ERCC1: variants seen among roughly 807,000 people sequenced by gnomAD.
The protein encoded by ERCC1 is DNA excision repair protein ERCC-1.
In ERCC1, 36 loss-of-function variants were observed where a neutral mutation model predicts 37.6. That is an observed-to-expected ratio of 0.96 (90% CI 0.73 to 1.26). The LOEUF (loss-of-function observed/expected upper bound fraction) is 1.26, where lower values mean the gene tolerates loss of function less well. Ranked by LOEUF, ERCC1 falls within the 50% of genes most tolerant of loss-of-function variation. The pLI is 0.00. For missense variants in ERCC1, 349 were observed against 376.5 expected, an observed-to-expected ratio of 0.93 and a Z score of 0.60; for synonymous variants, 156 against 162.1, an observed-to-expected ratio of 0.96 and a Z score of 0.28.
chr19:45,444,356 GC>G (rs1399359545), intron 1 of ERCC1, among the ~76,000 whole-genome samples: 1 of 140,650 alleles, frequency 7.1e-6, no homozygotes, highest in African/African-American at 2.6e-5. Context: ...TCCCGGGCGC[GC>G]TCCCACGCCC....
chr19:45,415,245 G>C (rs1297956807), intron 6 of ERCC1, among the ~76,000 whole-genome samples: 2 of 150,254 alleles, frequency 1.3e-5, no homozygotes, highest in Admixed American at 1.3e-4. Flanking sequence ...TGAGGCAGGA[G>C]AATCGCCTGA....
chr19:45,409,635 TTTA>T lies in ERCC1; in HGVS notation c.*37_*39del, dbSNP rs956890282. 1 of 1,505,908 alleles carries T rather than the reference TTTA, an allele frequency of 6.6e-7. No individual in the cohort carries two copies. The highest frequency in any genetic ancestry group is 9.2e-7 in the Non-Finnish European group (1 of 1,084,784). 93.3% of individuals were successfully genotyped at this position (1,505,908 alleles called of 1,614,324 possible). On this transcript the variant is annotated 3_prime_UTR_variant, in exon 10 of 10. Coordinates refer to ENST00000300853, the MANE Select transcript of ERCC1 (RefSeq NM_001983.4). ...GCAGGAGCCTGGCCTGGGAGGACGATTTATTATTACACTGGGGGTTTCCTTGGC... is the reference window on the plus strand; with the variant it reads ...GCAGGAGCCTGGCCTGGGAGGACGATTTATTACACTGGGGGTTTCCTTGGC...
In ERCC1 at chr19:45,420,898, A is replaced by G. The variant is rs1229947803; in HGVS notation, c.321+280T>C. 6.6e-6 allele frequency among the ~76,000 whole-genome samples: 1 copy of G among 152,120 alleles called. No individual in the cohort carries two copies. Among genetic ancestry groups the G allele is most frequent in the Non-Finnish European group, 1.5e-5 (1 of 68,014 alleles). ...TCAGCCTCTCCAAAGTGCTGGGATT[A>G]CAGGTGTGAGCCACCACACCCAGCC... is the stretch of plus-strand genomic sequence containing the variant. On this transcript the variant is annotated intron_variant, in intron 3 of 9. Transcript: ENST00000300853. This position sits in a 1 kb window ranked among gnomAD's most constrained non-coding sequence, Gnocchi z 4.8.
At chr19:45,414,476 C>CAA (rs200487437) in intron 7 of ERCC1, 1,459 of 246,390 alleles carry the variant, frequency 5.9e-3, no homozygotes, top group South Asian at 0.013. Context: ...GACTCCATCT[C>CAA]AAAAAAAAAA....
chr19:45,407,890 C>T lies in ERCC1; in HGVS notation c.*1785G>A. ...GGCCAACATAGTGAAATTGTCTCTA[C>T]TAAAAATACAAAAATTGGCTGGGCG... On this transcript the variant is annotated 3_prime_UTR_variant, in exon 10 of 10. Transcript: ENST00000300853. The T allele has an allele frequency of 2.5e-6, 1 of 399,422 alleles. No individual in the cohort carries two copies. The highest frequency in any genetic ancestry group is 5.9e-5 in the South Asian group (1 of 16,874). 24.7% of individuals were successfully genotyped at this position (399,422 alleles called of 1,614,324 possible). A position where few individuals can be genotyped will look rare whatever the true frequency, so the allele number is the denominator to read the frequency against.
At chr19:45,442,135 G>T (rs1203369012) in intron 1 of ERCC1, among the ~76,000 whole-genome samples, 2 of 151,532 alleles carry the variant, frequency 1.3e-5, no homozygotes, top group African/African-American at 4.9e-5. Flanking sequence ...ATTATAGTGA[G>T]ATCTCATCTC....
In ERCC1 at chr19:45,420,688, C is replaced by T. The variant is rs966201112; in HGVS notation, c.322-261G>A. On this transcript the variant is annotated intron_variant, in intron 3 of 9. Transcript: ENST00000300853. This position sits in a 1 kb window ranked among gnomAD's most constrained non-coding sequence, Gnocchi z 4.8. Reference sequence around the variant, plus strand: ...CCATGCCCACTGGCACCAGGCCTTTCCTAAAGGGTCCCCGGGTCTGTCTCC... The same window carrying T: ...CCATGCCCACTGGCACCAGGCCTTTTCTAAAGGGTCCCCGGGTCTGTCTCC... 4.6e-5 allele frequency among the ~76,000 whole-genome samples: 7 copies of T among 152,148 alleles called. No homozygotes were observed. Among genetic ancestry groups the T allele is most frequent in the Non-Finnish European group, 1.0e-4 (7 of 68,026 alleles).
At chr19:45,446,145 C>T (rs1239552394) in intron 1 of ERCC1, among the ~76,000 whole-genome samples, 1 of 152,086 alleles carries the variant, frequency 6.6e-6, no homozygotes, top group African/African-American at 2.4e-5. Flanking sequence ...GGTGATTTGC[C>T]CACCTCAGCC....
chr19:45,434,838 C>T (rs1490069965), intron 1 of ERCC1, among the ~76,000 whole-genome samples: 4 of 151,978 alleles, frequency 2.6e-5, no homozygotes, highest in African/African-American at 4.8e-5. Flanking sequence ...TGCAATAGTG[C>T]GATCTTGGCT....
chr19:45,429,983 C>T (rs1974793531), intron 1 of ERCC1, among the ~76,000 whole-genome samples: 1 of 152,170 alleles, frequency 6.6e-6, no homozygotes, highest in Non-Finnish European at 1.5e-5. Context: ...GGGGTTTCAC[C>T]ATGTTGGCCA....
intron 6 of ERCC1, among the ~76,000 whole-genome samples, chr19:45,415,635 C>CAGG (rs1195136608): frequency 1.1e-4 from 5 of 46,724 alleles, no homozygotes; most frequent in African/African-American, 4.0e-4. Context: ...GACTCCGTCT[C>CAGG]AAAAAAAAAA....
At chr19:45,438,798 C>T (rs1324821487) in intron 1 of ERCC1, among the ~76,000 whole-genome samples, 2 of 151,996 alleles carry the variant, frequency 1.3e-5, no homozygotes, top group African/African-American at 2.4e-5. Context: ...TGCGCCACCA[C>T]GCCCGGCTAA....
chr19:45,416,389 G>A (rs551353813), intron 6 of ERCC1: 85 of 198,056 alleles, frequency 4.3e-4, no homozygotes, highest in Middle Eastern at 2.3e-3. Flanking sequence ...AGTGGCTCAC[G>A]CCTGTAATCC....
rs1974340410 is a variant in ERCC1, at chr19:45,420,393, A to G, written c.356T>C (p.Val119Ala). 6.2e-7 allele frequency: 1 copy of G among 1,613,666 alleles called. No individual in the cohort carries two copies. The highest frequency in any genetic ancestry group is 1.7e-5 in the Admixed American group (1 of 59,956). ...AATTACGTCGCCAAATTCCCAGGGC[A>G]CATTGCGCACGAACTTCAGTACGGG... Reference protein sequence around the residue: ...GNPVLKFVRNVPWEFGDVIPD... With the variant: ...GNPVLKFVRNAPWEFGDVIPD... Residue 119 changes from valine to alanine, a missense_variant, in exon 4 of 10, where the codon GTG becomes GCG. Physicochemically the swap from Val to Ala is moderately conservative, Grantham distance 64. Transcript: ENST00000300853. This position sits in a 1 kb window ranked among gnomAD's most constrained non-coding sequence, Gnocchi z 4.8.
intron 1 of ERCC1, among the ~76,000 whole-genome samples, chr19:45,443,140 T>G (rs1035587515): frequency 3.3e-5 from 5 of 151,950 alleles, no homozygotes; most frequent in Admixed American, 2.6e-4. Context: ...GGGAGGGGTC[T>G]CCCAGCTGCC....
At chr19:45,411,745 G>C (rs1232412819) in intron 9 of ERCC1, among the ~76,000 whole-genome samples, 1 of 152,074 alleles carries the variant, frequency 6.6e-6, no homozygotes, top group East Asian at 2.0e-4. Flanking sequence ...AGTGAGCTGA[G>C]ATCATGCCAT....
rs1276147609 is a variant in ERCC1 at position 45,420,761 on chromosome 19, G to C, written c.322-334C>G. 2.0e-5 allele frequency among the ~76,000 whole-genome samples: 3 copies of C among 152,038 alleles called. No individual in the cohort carries two copies. The highest frequency in any genetic ancestry group is 1.5e-5 in the Non-Finnish European group (1 of 68,010). On this transcript the variant is annotated intron_variant, in intron 3 of 9. Coordinates refer to ENST00000300853, the MANE Select transcript of ERCC1 (RefSeq NM_001983.4). The surrounding 1 kb of genome is among the most constrained non-coding windows in gnomAD (Gnocchi z 4.8). ...CCCAGTCTGCGTGTCCTGTGGTCCT[G>C]AACACTTCCTGCCCTCACGCCCAGC... is the stretch of plus-strand genomic sequence containing the variant.
At chr19:45,449,623 C>T (rs1158742041) in intron 1 of ERCC1, among the ~76,000 whole-genome samples, 1 of 152,000 alleles carries the variant, frequency 6.6e-6, no homozygotes, top group Non-Finnish European at 1.5e-5. Context: ...TGTGATCATA[C>T]CACTGCACTC....
chr19:45,445,801 T>C (rs1413561086), intron 1 of ERCC1, among the ~76,000 whole-genome samples: 4 of 152,020 alleles, frequency 2.6e-5, no homozygotes, highest in South Asian at 4.2e-4. Context: ...TGGGCTGAGG[T>C]GAAGTCTTTT....
Sources: allele counts gnomAD v4.1 joint callset (sites outside exome capture counted in the v4.1 genomes callset), GRCh38; gene constraint gnomAD v4.1.1; non-coding constraint Gnocchi (gnomAD v3.1); transcripts MANE v1.5; gene names NCBI Gene and HGNC (gene_info 2026-07-23, HGNC 2026-07-21).